Variants in ADAT3 observed in about 807,000 individuals in gnomAD.
The protein encoded by ADAT3 is tRNA-specific adenosine-34 deaminase regulatory subunit ADAT3.
In ADAT3, 2 loss-of-function variants were observed where a neutral mutation model predicts 3.5. The observed-to-expected ratio is 0.57, with a 90% CI of 0.23 to 1.79. ADAT3 has a LOEUF of 1.79. ADAT3 is among the 40% of genes most tolerant of loss of function. The probability of loss-of-function intolerance (pLI) is 0.18; values close to 1 mark genes in which losing one functional copy is unlikely to be tolerated. For synonymous variants in ADAT3, 358 were observed against 270.3 expected (o/e 1.32, Z -3.18); for missense variants, 735 against 571.4 (o/e 1.29, Z -2.92).
At position 1,912,701 on chromosome 19, in the gene ADAT3, G is replaced by A. The variant is rs1437101199; in HGVS notation, c.654G>A (p.Pro218=). The A allele has an allele frequency of 8.1e-6, 12 of 1,488,692 alleles. No individual in the cohort carries two copies. Among genetic ancestry groups the A allele is most frequent in the Admixed American group, 2.3e-5 (1 of 42,906 alleles). 92.2% of individuals were successfully genotyped at this position (1,488,692 alleles called of 1,614,324 possible). The change falls in exon 2 of 2, where the codon CCG becomes CCA. Residue 218 remains proline (P), a synonymous_variant. Coordinates refer to ENST00000329478, the MANE Select transcript of ADAT3 (RefSeq NM_138422.4). ...LRAVGAVVVD[P]ASDRVLATGH... ...CCGTGGGGGCCGTGGTAGTGGACCCGGCCTCGGACCGCGTGCTGGCCACCG... is the reference window on the plus strand; with the variant it reads ...CCGTGGGGGCCGTGGTAGTGGACCCAGCCTCGGACCGCGTGCTGGCCACCG...
At position 1,912,169 on chromosome 19, in the gene ADAT3, C is replaced by T. The variant is rs750783340; in HGVS notation, c.122C>T (p.Pro41Leu). 4.8e-5 allele frequency: 75 copies of T among 1,574,878 alleles called. No homozygotes were observed. The highest frequency in any genetic ancestry group is 4.4e-4 in the South Asian group (38 of 86,282). Residue 41 changes from proline (P) to leucine (L), a missense_variant, in exon 2 of 2, where the codon CCG (proline) becomes CTG (leucine). Coordinates refer to ENST00000329478, the MANE Select transcript of ADAT3 (RefSeq NM_138422.4). ...EAGSPEPEPA[P>L]WQALPVLSEK... ...GGGAGCCCGGAGCCTGAGCCGGCGC[C>T]GTGGCAGGCCCTCCCTGTCCTGTCC...
chr19:1,909,137 C>A (rs1302260502), intron 1 of ADAT3, among the ~76,000 whole-genome samples: 1 of 151,106 alleles, frequency 6.6e-6, no homozygotes, highest in Non-Finnish European at 1.5e-5. Flanking sequence ...GGCATGGTGG[C>A]TTACGCCTGT....
chr19:1,911,291 C>T (rs75267466), intron 1 of ADAT3, among the ~76,000 whole-genome samples: 2,685 of 152,160 alleles, frequency 0.018, 70 homozygotes, highest in African/African-American at 0.059. Flanking sequence ...CCTGTTTCAG[C>T]TTCTCGAGTA....
Position 1,908,710 on chromosome 19 carries a change from G to A in ADAT3, c.-158-3180G>A, listed in dbSNP as rs541931876. The A allele has an allele frequency of 2.0e-5, 8 of 392,000 alleles. No individual in the cohort carries two copies. The East Asian group carries it at 2.9e-4, about 14-fold the overall frequency. 24.3% of individuals were successfully genotyped at this position (392,000 alleles called of 1,614,324 possible). On this transcript the variant is annotated intron_variant, in intron 1 of 1. Transcript: ENST00000329478. The surrounding 1 kb of genome is among the most constrained non-coding windows in gnomAD (Gnocchi z 4.2). ...AACAGGGTCTCTCTATCTTGCCCAC[G>A]TTGGTCTCAAACTCCTGTGCTTAAG...
In ADAT3 at chr19:1,913,052, C is replaced by T; in HGVS notation, c.1005C>T (p.Thr335=). 6.2e-6 allele frequency: 10 copies of T among 1,603,404 alleles called. No homozygotes were observed. Among genetic ancestry groups the T allele is most frequent in the Non-Finnish European group, 7.6e-6 (9 of 1,179,048 alleles). Residue 335 remains threonine (T), a synonymous_variant, in exon 2 of 2, where the codon ACC becomes ACT. Coordinates refer to ENST00000329478, the MANE Select transcript of ADAT3 (RefSeq NM_138422.4). ...CCTCGCCCGACGGCGCCCTGGGCAC[C>T]CGCTTCCGCATCCACGCACGGCCCG... ...GAPSPDGALG[T]RFRIHARPDL... is the part of the protein sequence containing the mutation.
At chr19:1,910,943 T>C (rs1480037825) in intron 1 of ADAT3, among the ~76,000 whole-genome samples, 1 of 151,786 alleles carries the variant, frequency 6.6e-6, no homozygotes, top group African/African-American at 2.4e-5. Context: ...CTCGGCTCAA[T>C]GTAACCTGCG....
intron 1 of ADAT3, among the ~76,000 whole-genome samples, chr19:1,910,041 C>T (rs1347443958): frequency 1.3e-5 from 2 of 152,218 alleles, no homozygotes; most frequent in African/African-American, 4.8e-5. Flanking sequence ...CCCGTGTCCC[C>T]CACACTTGGC....
chr19:1,911,948 G>T lies in ADAT3; in HGVS notation c.-100G>T. The T allele has an allele frequency of 2.2e-6, 3 of 1,384,944 alleles. No individual in the cohort carries two copies. Among genetic ancestry groups the T allele is most frequent in the Non-Finnish European group, 2.8e-6 (3 of 1,071,078 alleles). The allele number at this position is 1,384,944 out of a possible 1,614,324, so 85.8% of individuals were successfully genotyped here. A position where few individuals can be genotyped will look rare whatever the true frequency, so the allele number is the denominator to read the frequency against. On this transcript the variant is annotated 5_prime_UTR_variant, in exon 2 of 2. An upstream open reading frame in the 5' UTR gains an earlier in-frame stop. Transcript: ENST00000329478. ...TGCGGTGACCTGGGCCGGAGCCCTC[G>T]GACTAGCCTCAGCTTTGGTGGCAGC... is the stretch of plus-strand genomic sequence containing the variant.
intron 1 of ADAT3, among the ~76,000 whole-genome samples, chr19:1,909,376 T>C (rs1329049239): frequency 6.6e-6 from 1 of 152,180 alleles, no homozygotes; most frequent in East Asian, 1.9e-4. Context: ...TCCCTTCTAA[T>C]GGGCGGATCC....
chr19:1,911,346 A>G (rs1426796115), intron 1 of ADAT3, among the ~76,000 whole-genome samples: 1 of 151,126 alleles, frequency 6.6e-6, no homozygotes, highest in Non-Finnish European at 1.5e-5. Context: ...TAATTTTTTG[A>G]TATTTAGTAG....
chr19:1,905,962 G>C (rs981810187), intron 1 of ADAT3: 1 of 152,180 alleles, frequency 6.6e-6, no homozygotes, highest in African/African-American at 2.4e-5. Flanking sequence ...TTGTATCACA[G>C]GCCCCCAGTT....
rs571666841 is a variant in ADAT3, at chr19:1,912,105, G to A, written c.58G>A (p.Ala20Thr). The change falls in exon 2 of 2, where the codon GCC (alanine) becomes ACC (threonine). Residue 20 changes from alanine (A) to threonine (T), a missense_variant. Transcript: ENST00000329478. ...PQSASLRMEP[A>T]PGLVEQPKCL... The stretch of plus-strand genomic sequence containing the variant: ...GTCGGCCTCGCTGAGGATGGAGCCC[G>A]CCCCGGGCCTCGTGGAGCAGCCCAA... 24 of 1,514,212 alleles carry A rather than the reference G, an allele frequency of 1.6e-5. No individual in the cohort carries two copies. In the South Asian group the frequency reaches 2.1e-4, roughly 13 times the overall value. 93.8% of individuals were successfully genotyped at this position (1,514,212 alleles called of 1,614,324 possible).
rs922184549 is a variant in ADAT3 at position 1,912,154 on chromosome 19, A to C, written c.107A>C (p.Glu36Ala). ...QPKCLEAGSP[E>A]PEPAPWQALP... ...AAGTGCTTGGAGGCCGGGAGCCCGG[A>C]GCCTGAGCCGGCGCCGTGGCAGGCC... Residue 36 changes from glutamate (E) to alanine (A), a missense_variant, in exon 2 of 2, where the codon GAG (glutamate) becomes GCG (alanine). Glu to Ala is a moderately radical substitution (Grantham distance 107). Transcript: ENST00000329478. 6.4e-6 allele frequency: 10 copies of C among 1,568,636 alleles called. No homozygotes were observed. In the African/African-American group the frequency reaches 1.1e-4, roughly 17 times the overall value.
At chr19:1,907,775 TG>T (rs1462645930) in intron 1 of ADAT3, among the ~76,000 whole-genome samples, 2 of 152,046 alleles carry the variant, frequency 1.3e-5, no homozygotes, top group Non-Finnish European at 2.9e-5. Context: ...GCCTGCCTTC[TG>T]GGTGGGTGTG....
At chr19:1,906,871 T>TGTGTGTGTGTGTGTGTGG (rs2013150279) in intron 1 of ADAT3, 1 of 130,116 alleles carries the variant, frequency 7.7e-6, no homozygotes, top group Non-Finnish European at 1.6e-5. Context: ...AAAAATTGTG[T>TGTGTGTGTGTGTGTGTGG]GTGTGTGTGT....
chr19:1,912,810 G>C lies in ADAT3; in HGVS notation c.763G>C (p.Gly255Arg). 6.3e-7 allele frequency: 1 copy of C among 1,583,110 alleles called. No homozygotes were observed. Among genetic ancestry groups the C allele is most frequent in the Non-Finnish European group, 8.5e-7 (1 of 1,172,854 alleles). Residue 255 changes from glycine to arginine, a missense_variant, in exon 2 of 2, where the codon GGC becomes CGC. Gly to Arg is a moderately radical substitution (Grantham distance 125). Coordinates refer to ENST00000329478, the MANE Select transcript of ADAT3 (RefSeq NM_138422.4). ...VDLVARGQGR[G>R]TYDFRPFPAC... ...CCTCGTGGCGCGCGGCCAGGGCCGC[G>C]GCACCTACGACTTCAGACCCTTCCC...
rs966057624 is a variant in ADAT3 at position 1,912,996 on chromosome 19, G to A, written c.949G>A (p.Ala317Thr). Residue 317 changes from alanine (A) to threonine (T), a missense_variant, in exon 2 of 2, where the codon GCA becomes ACA. Transcript: ENST00000329478. Reference protein sequence around the residue: ...CAMCAMALVHARILRVFYGAP... With the variant: ...CAMCAMALVHTRILRVFYGAP... The stretch of plus-strand genomic sequence containing the variant: ...CATGTGCGCCATGGCCCTGGTGCAC[G>A]CACGCATCCTGCGCGTCTTCTACGG... 2 of 1,608,470 alleles carry A rather than the reference G, an allele frequency of 1.2e-6. No homozygotes were observed. The highest frequency in any genetic ancestry group is 1.7e-6 in the Non-Finnish European group (2 of 1,179,334).
Position 1,910,575 on chromosome 19 carries a change from CTTTTT to C in ADAT3, c.-158-1299_-158-1295del, listed in dbSNP as rs11350651. Among the ~76,000 whole-genome samples, 619 of 95,110 alleles carry C rather than the reference CTTTTT, an allele frequency of 6.5e-3. 5 individuals are homozygous for C. The highest frequency in any genetic ancestry group is 5.0e-3 in the African/African-American group (130 of 26,174). The allele number at this position is 95,110 out of a possible 152,430, so 62.4% of individuals were successfully genotyped here. On this transcript the variant is annotated intron_variant, in intron 1 of 1. Coordinates refer to ENST00000329478, the MANE Select transcript of ADAT3 (RefSeq NM_138422.4). ...TGATAGTTTTTGGTTTTTGAGGTGTCTTTTTTTTTTTTTTTTTTTTGAGACAGAGT... is the reference window on the plus strand; with the variant it reads ...TGATAGTTTTTGGTTTTTGAGGTGTCTTTTTTTTTTTTTTTGAGACAGAGT...
intron 1 of ADAT3, chr19:1,906,112 C>T (rs1278244769): frequency 2.6e-5 from 4 of 152,292 alleles, no homozygotes; most frequent in Admixed American, 2.6e-4. Flanking sequence ...ATAACCCCAG[C>T]ACTTTGGGAG....
Sources: gnomAD v4.1 joint callset for allele counts (sites outside exome capture counted in the v4.1 genomes callset) on GRCh38, gnomAD v4.1.1 for gene constraint, Gnocchi (gnomAD v3.1) non-coding constraint, MANE v1.5 for transcripts, NCBI Gene and HGNC (gene_info 2026-07-23, HGNC 2026-07-21) for gene names.